Variants in CACNA2D3 observed in about 807,000 individuals in gnomAD.
CACNA2D3 encodes voltage-dependent calcium channel subunit alpha-2/delta-3.
A neutral mutation model predicts 160.6 loss-of-function variants in CACNA2D3; 60 were observed. That is an observed-to-expected ratio of 0.37 (90% CI 0.30 to 0.46). The LOEUF is 0.46. Among genes scored for constraint, CACNA2D3 ranks in the 20% least tolerant of loss-of-function variants. The pLI is 1.00. For synonymous variants in CACNA2D3, 558 were observed against 492.9 expected (o/e 1.13, Z -1.75); for missense variants, 1,205 against 1,365.0 (o/e 0.88, Z 1.85).
chr3:54,956,917 T>A lies in CACNA2D3; in HGVS notation c.2450-11533T>A, dbSNP rs141653647. Among the ~76,000 whole-genome samples the A allele has an allele frequency of 4.0e-3, 606 of 152,046 alleles. 2 individuals are homozygous for A. The highest frequency in any genetic ancestry group is 0.014 in the African/African-American group (569 of 41,460). ...AACCTCTTTGCCTTTGCTGTATAGG[T>A]TGAAAACAGGGGTGAAGGTAACTTC... On this transcript the variant is annotated intron_variant, in intron 27 of 37. Coordinates refer to ENST00000474759, the MANE Select transcript of CACNA2D3 (RefSeq NM_018398.3).
At chr3:54,269,453 T>A (rs1702577167) in intron 2 of CACNA2D3, among the ~76,000 whole-genome samples, 1 of 152,208 alleles carries the variant, frequency 6.6e-6, no homozygotes. Flanking sequence ...GAGCACTTAC[T>A]GTGTACTGCA....
At position 54,303,818 on chromosome 3, in the gene CACNA2D3, G is replaced by GTTTTTTGTTTTT. The variant is rs59534343; in HGVS notation, c.205-16618_205-16617insGTTTTTTTTTTT. Among the ~76,000 whole-genome samples the GTTTTTTGTTTTT allele has an allele frequency of 4.7e-3, 537 of 114,966 alleles. 32 individuals are homozygous for GTTTTTTGTTTTT. Among genetic ancestry groups the GTTTTTTGTTTTT allele is most frequent in the East Asian group, 0.022 (87 of 3,940 alleles). 75.4% of individuals were successfully genotyped at this position (114,966 alleles called of 152,430 possible). On this transcript the variant is annotated intron_variant, in intron 2 of 37. Coordinates refer to ENST00000474759, the MANE Select transcript of CACNA2D3 (RefSeq NM_018398.3). ...CAGCCTCATCAGTGACTTTTTTTCTGTTTTTTTTTTTTTTTTTTTTCTATT... is the reference window on the plus strand; with the variant it reads ...CAGCCTCATCAGTGACTTTTTTTCTGTTTTTTGTTTTTTTTTTTTTTTTTTTTTTTTTCTATT...
intron 11 of CACNA2D3, among the ~76,000 whole-genome samples, chr3:54,711,996 A>G (rs757718315): frequency 3.6e-4 from 54 of 152,014 alleles, no homozygotes; most frequent in Non-Finnish European, 7.4e-5. Flanking sequence ...GACAATTTTG[A>G]GTAGGAGGAG....
At chr3:54,925,067 A>T (rs750904394) in intron 27 of CACNA2D3, 20 of 1,614,170 alleles carry the variant, frequency 1.2e-5, no homozygotes, top group Non-Finnish European at 1.7e-5. Context: ...GCAGCGTTCG[A>T]GTCTGAGGAG....
At chr3:54,542,742 T>G (rs1575513087) in intron 5 of CACNA2D3, among the ~76,000 whole-genome samples, 1 of 152,008 alleles carries the variant, frequency 6.6e-6, no homozygotes, top group South Asian at 2.1e-4. Context: ...GGGTGGTGGG[T>G]CTGCCTCTCC....
chr3:54,833,382 C>T (rs1443948204), intron 14 of CACNA2D3, among the ~76,000 whole-genome samples: 3 of 152,172 alleles, frequency 2.0e-5, no homozygotes, highest in African/African-American at 7.2e-5. Context: ...ACCCCCACCT[C>T]CTGCTCCTAC....
intron 2 of CACNA2D3, among the ~76,000 whole-genome samples, chr3:54,153,154 A>T (rs1368698167): frequency 6.6e-6 from 1 of 152,194 alleles, no homozygotes; most frequent in Non-Finnish European, 1.5e-5. Context: ...TAGCTCTGTG[A>T]CCTTGGGCGG....
chr3:54,423,155 G>A (rs1467956764), intron 4 of CACNA2D3, among the ~76,000 whole-genome samples: 1 of 152,122 alleles, frequency 6.6e-6, no homozygotes, highest in African/African-American at 2.4e-5. Flanking sequence ...CATGAGAGAG[G>A]AAAAAGTCTG....
At chr3:54,287,960 C>T (rs1575370589) in intron 2 of CACNA2D3, among the ~76,000 whole-genome samples, 1 of 150,688 alleles carries the variant, frequency 6.6e-6, no homozygotes, top group African/African-American at 2.4e-5. Flanking sequence ...ACTAAATGCC[C>T]ACAAGAGAAA....
intron 2 of CACNA2D3, among the ~76,000 whole-genome samples, chr3:54,230,876 A>G (rs1199540348): frequency 1.3e-5 from 2 of 152,258 alleles, no homozygotes; most frequent in Non-Finnish European, 2.9e-5. Context: ...AGGACAAAAT[A>G]CATAAAGATT....
intron 2 of CACNA2D3, among the ~76,000 whole-genome samples, chr3:54,292,379 A>T (rs1212751275): frequency 6.6e-6 from 1 of 152,200 alleles, no homozygotes; most frequent in African/African-American, 2.4e-5. Flanking sequence ...CACTATCAAG[A>T]AAGTGAAAGG....
At chr3:54,618,374 T>TATATATATATATACACACAC in intron 9 of CACNA2D3, among the ~76,000 whole-genome samples, 2 of 54,580 alleles carry the variant, frequency 3.7e-5, no homozygotes, top group Non-Finnish European at 6.1e-5. Flanking sequence ...TATATATATA[T>TATATATATATATACACACAC]GCACACACAC....
chr3:54,799,114 C>T (rs756615018), intron 13 of CACNA2D3, among the ~76,000 whole-genome samples: 2 of 152,074 alleles, frequency 1.3e-5, no homozygotes, highest in Non-Finnish European at 2.9e-5. Flanking sequence ...CCTATTTTTC[C>T]CATACATTCT....
intron 2 of CACNA2D3, among the ~76,000 whole-genome samples, chr3:54,161,368 G>T (rs1700341308): frequency 6.6e-6 from 1 of 152,164 alleles, no homozygotes; most frequent in East Asian, 1.9e-4. Context: ...TTAGCCAATT[G>T]AGATTAAAAT....
At chr3:55,006,261 C>T (rs966451872) in intron 32 of CACNA2D3, among the ~76,000 whole-genome samples, 4 of 152,104 alleles carry the variant, frequency 2.6e-5, no homozygotes, top group African/African-American at 9.7e-5. Flanking sequence ...CCTTTGTTTA[C>T]TCATATATTG....
chr3:54,175,211 G>A (rs1576979242), intron 2 of CACNA2D3, among the ~76,000 whole-genome samples: 1 of 152,142 alleles, frequency 6.6e-6, no homozygotes, highest in Non-Finnish European at 1.5e-5. Context: ...TGAAGTGAAA[G>A]GGGGCCCCAT....
chr3:54,828,934 G>GA (rs1417180250), intron 14 of CACNA2D3, among the ~76,000 whole-genome samples: 1 of 152,218 alleles, frequency 6.6e-6, no homozygotes, highest in African/African-American at 2.4e-5. Context: ...ACAATCAAGT[G>GA]AAAAGCAAGA....
intron 29 of CACNA2D3, among the ~76,000 whole-genome samples, chr3:54,981,457 A>T (rs188318985): frequency 6.2e-4 from 95 of 152,280 alleles, no homozygotes; most frequent in South Asian, 4.8e-3. Context: ...ATTTTTACCT[A>T]AACAGTGATT....
rs1391034826 is a variant in CACNA2D3, at chr3:54,646,184, CTCCTTCCTTGCTTCCTTCCTTCCT to C, written c.1167+3953_1167+3976del. ...CCTCCCTCCCTCCCTCCCTCCCTCCCTCCTTCCTTGCTTCCTTCCTTCCTTCCTTCCTTCCTTCCTTCCTTCCTT... is the reference window on the plus strand; with the variant it reads ...CCTCCCTCCCTCCCTCCCTCCCTCCCTCCTTCCTTCCTTCCTTCCTTCCTT... On this transcript the variant is annotated intron_variant, in intron 11 of 37. Transcript: ENST00000474759. 9.1e-3 allele frequency among the ~76,000 whole-genome samples: 136 copies of C among 14,882 alleles called. 4 individuals are homozygous for C. Among genetic ancestry groups the C allele is most frequent in the South Asian group, 0.023 (6 of 266 alleles). The allele number at this position is 14,882 out of a possible 152,430, so 9.8% of individuals were successfully genotyped here.
Sources: gnomAD v4.1 joint callset for allele counts (sites outside exome capture counted in the v4.1 genomes callset) on GRCh38, gnomAD v4.1.1 for gene constraint, MANE v1.5 for transcripts, NCBI Gene and HGNC (gene_info 2026-07-23, HGNC 2026-07-21) for gene names.